Variants in SATL1 observed in about 807,000 individuals in gnomAD.
The protein encoded by SATL1 is spermidine/spermine N(1)-acetyltransferase-like protein 1.
SATL1 carries 47 observed loss-of-function variants against 51.8 expected under a neutral mutation model. The ratio of observed to expected loss-of-function variants is 0.91; its 90% CI spans 0.72 to 1.16. SATL1 has a LOEUF of 1.16. Among genes scored for constraint, SATL1 ranks in the 50% most tolerant of loss-of-function variants. The pLI is 0.00. For missense variants in SATL1, 520 were observed against 526.4 expected (o/e 0.99, Z 0.12); for synonymous variants, 176 against 182.4 (o/e 0.97, Z 0.28).
chrX:85,104,992 A>G lies in SATL1; in HGVS notation c.1642-1077T>C, dbSNP rs186244501. Among the ~76,000 whole-genome samples, 565 of 111,213 alleles carry G rather than the reference A, an allele frequency of 5.1e-3. 3 individuals are homozygous for G. The highest frequency in any genetic ancestry group is 0.017 in the African/African-American group (533 of 30,746). ...ACTCTCCATTCTGTCCCATTGATCT[A>G]TCTTTCCACTAGTTACCATAGTATT... On this transcript the variant is annotated intron_variant, in intron 3 of 7. Transcript: ENST00000644105.
chrX:85,093,738 C>T (rs1431032887), intron 6 of SATL1, among the ~76,000 whole-genome samples: 1 of 111,773 alleles, frequency 8.9e-6, no homozygotes, highest in Non-Finnish European at 1.9e-5. Flanking sequence ...GTGGCACATG[C>T]CTGTAGCCCC....
intron 2 of SATL1, among the ~76,000 whole-genome samples, chrX:85,151,362 A>G (rs1053590233): frequency 7.2e-5 from 8 of 111,678 alleles, no homozygotes. Flanking sequence ...GGGTAGGAAG[A>G]ATCAATATCA....
At chrX:85,124,221 A>G (rs1348439539) in intron 2 of SATL1, among the ~76,000 whole-genome samples, 6 of 111,000 alleles carry the variant, frequency 5.4e-5, no homozygotes, top group African/African-American at 2.0e-4. Flanking sequence ...TTTTAATATT[A>G]CCCCCAGGCA....
intron 2 of SATL1, among the ~76,000 whole-genome samples, chrX:85,144,863 C>T (rs748086078): frequency 2.2e-4 from 24 of 110,037 alleles, no homozygotes; most frequent in Non-Finnish European, 4.2e-4. Context: ...CCAGTCTCTT[C>T]AAAATATAAA....
chrX:85,134,557 G>A (rs1205574440), intron 2 of SATL1, among the ~76,000 whole-genome samples: 1 of 111,679 alleles, frequency 9.0e-6, no homozygotes, highest in African/African-American at 3.3e-5. Flanking sequence ...TGTAAGTGCT[G>A]TGCTAGAGAT....
intron 2 of SATL1, among the ~76,000 whole-genome samples, chrX:85,133,501 T>C (rs190777249): frequency 3.1e-4 from 35 of 112,194 alleles, no homozygotes; most frequent in South Asian, 1.1e-3. Context: ...GCTAAGACCA[T>C]TGGAAAAGCG....
intron 4 of SATL1, among the ~76,000 whole-genome samples, chrX:85,097,534 G>T (rs1331320914): frequency 9.0e-6 from 1 of 110,915 alleles, no homozygotes; most frequent in African/African-American, 3.3e-5. Context: ...TAGAGATGGG[G>T]TTTTGCCATG....
intron 1 of SATL1, among the ~76,000 whole-genome samples, chrX:85,225,816 C>G (rs1476168157): frequency 1.8e-5 from 2 of 111,310 alleles, no homozygotes; most frequent in Non-Finnish European, 3.8e-5. Context: ...ACACAGGAAT[C>G]AAAAAGGAAT....
At chrX:85,210,039 C>A (rs1349286254) in intron 2 of SATL1, 3 of 109,970 alleles carry the variant, frequency 2.7e-5, no homozygotes, top group Non-Finnish European at 5.7e-5. Context: ...GCTGCCACTG[C>A]CACTCTCATA....
intron 2 of SATL1, among the ~76,000 whole-genome samples, chrX:85,152,565 C>G (rs374601441): frequency 9.9e-5 from 11 of 111,286 alleles, no homozygotes; most frequent in African/African-American, 3.6e-4. Context: ...TTGGAACCAA[C>G]CCAAATGTCC....
chrX:85,174,463 C>A (rs1264488210), intron 2 of SATL1, among the ~76,000 whole-genome samples: 1 of 109,430 alleles, frequency 9.1e-6, no homozygotes, highest in Non-Finnish European at 1.9e-5. Flanking sequence ...TTTGGGATTA[C>A]AGGTGACCAC....
In SATL1 at chrX:85,108,859, C is replaced by A; in HGVS notation, c.110G>T (p.Gly37Val). 8.3e-7 allele frequency: 1 copy of A among 1,211,678 alleles called. No individual in the cohort carries two copies. The highest frequency in any genetic ancestry group is 3.0e-5 in the East Asian group (1 of 33,833). Residue 37 changes from glycine to valine, a missense_variant, in exon 3 of 8, where the codon GGG (glycine) becomes GTG (valine). Gly to Val is a moderately radical substitution (Grantham distance 109). Around this residue, in one of 3 missense-constraint regions of SATL1, gnomAD observed 10 missense variants for 28.3 expected, o/e 0.35. Coordinates refer to ENST00000644105, the MANE Select transcript of SATL1 (RefSeq NM_001367857.2). Reference protein sequence around the residue: ...LGMNQMDMNQGSASLYEMNQV... With the variant: ...LGMNQMDMNQVSASLYEMNQV... ...GTTCATTTCATATAGGCTTGCACTC[C>A]CTTGGTTCATGTCCATTTGGTTCAT...
chrX:85,130,388 T>G (rs1185754792), intron 2 of SATL1, among the ~76,000 whole-genome samples: 3 of 111,838 alleles, frequency 2.7e-5, no homozygotes, highest in Non-Finnish European at 5.6e-5. Context: ...AGTGTATGTG[T>G]CCAGGAATTT....
chrX:85,173,841 T>C (rs1451074406), intron 2 of SATL1, among the ~76,000 whole-genome samples: 1 of 109,570 alleles, frequency 9.1e-6, no homozygotes, highest in African/African-American at 3.3e-5. Flanking sequence ...GTTACATATG[T>C]ATACATGTGC....
chrX:85,141,307 T>C (rs988869380), intron 2 of SATL1, among the ~76,000 whole-genome samples: 6 of 112,125 alleles, frequency 5.4e-5, no homozygotes, highest in Non-Finnish European at 1.1e-4. Context: ...GAAAGGTGTT[T>C]ATTGGGCAAT....
chrX:85,219,597 T>G (rs1247380018), intron 2 of SATL1: 1 of 112,305 alleles, frequency 8.9e-6, no homozygotes, highest in African/African-American at 3.2e-5. Context: ...TGGCTAAAGC[T>G]AAGGAGTTAC....
At chrX:85,149,724 C>T (rs1426555668) in intron 2 of SATL1, among the ~76,000 whole-genome samples, 14 of 108,080 alleles carry the variant, frequency 1.3e-4, no homozygotes, top group East Asian at 2.9e-4. Context: ...ACTGGGTACA[C>T]AACGAAATGA....
chrX:85,163,089 C>T (rs2077835230), intron 2 of SATL1, among the ~76,000 whole-genome samples: 1 of 109,178 alleles, frequency 9.2e-6, no homozygotes, highest in African/African-American at 3.3e-5. Flanking sequence ...CCCTCTTTCT[C>T]TACCTTTTGG....
intron 3 of SATL1, among the ~76,000 whole-genome samples, chrX:85,106,675 C>T (rs1208357439): frequency 9.0e-6 from 1 of 111,529 alleles, no homozygotes; most frequent in African/African-American, 3.3e-5. Flanking sequence ...TAGCTTGTCC[C>T]TTTAATTAAC....
Sources: allele counts gnomAD v4.1 joint callset (sites outside exome capture counted in the v4.1 genomes callset), GRCh38; gene constraint gnomAD v4.1.1; regional missense constraint gnomAD v4.1.1; transcripts MANE v1.5; gene names NCBI Gene and HGNC (gene_info 2026-07-23, HGNC 2026-07-21).